Variants in THSD4 observed in about 807,000 individuals in gnomAD.
The protein encoded by THSD4 is thrombospondin type-1 domain-containing protein 4.
A neutral mutation model predicts 119.0 loss-of-function variants in THSD4; 69 were observed. That is an observed-to-expected ratio of 0.58 (90% CI 0.48 to 0.71). The LOEUF (loss-of-function observed/expected upper bound fraction) is 0.71. Among genes scored for constraint, THSD4 ranks in the 30% least tolerant of loss-of-function variants. The probability of loss-of-function intolerance (pLI) is 0.00; values close to 1 mark genes in which losing one functional copy is unlikely to be tolerated. For missense variants in THSD4, 1,393 were observed against 1,391.1 expected (o/e 1.00, Z -0.02); for synonymous variants, 524 against 540.4 (o/e 0.97, Z 0.42).
chr15:71,332,491 G>A (rs2045433714), intron 6 of THSD4, among the ~76,000 whole-genome samples: 1 of 152,204 alleles, frequency 6.6e-6, no homozygotes, highest in Non-Finnish European at 1.5e-5. Context: ...CCTAGAAGGA[G>A]AAAAGGACTC....
chr15:71,659,064 C>A (rs2051245722), intron 7 of THSD4, among the ~76,000 whole-genome samples: 1 of 152,216 alleles, frequency 6.6e-6, no homozygotes, highest in Non-Finnish European at 1.5e-5. Flanking sequence ...GACTGGTTTG[C>A]TGCTCACTTT....
chr15:71,563,830 A>G (rs2049173373), intron 7 of THSD4, among the ~76,000 whole-genome samples: 1 of 151,746 alleles, frequency 6.6e-6, no homozygotes, highest in African/African-American at 2.4e-5. Flanking sequence ...TGGTGAGTGA[A>G]CTCTTTATCC....
intron 3 of THSD4, among the ~76,000 whole-genome samples, chr15:71,161,176 T>A (rs973923419): frequency 1.3e-5 from 2 of 152,112 alleles, no homozygotes; most frequent in Admixed American, 6.5e-5. Flanking sequence ...ACGTGTGATC[T>A]AACCTGGGGA....
chr15:71,559,564 CCTT>C (rs894096462), intron 7 of THSD4, among the ~76,000 whole-genome samples: 2 of 122,334 alleles, frequency 1.6e-5, no homozygotes, highest in African/African-American at 5.0e-5. Context: ...TTCTTTTCCT[CCTT>C]TTTTTTTTTG....
chr15:71,736,105 G>C (rs199723197), intron 10 of THSD4, among the ~76,000 whole-genome samples: 1 of 116,794 alleles, frequency 8.6e-6, no homozygotes. Context: ...CTTGCTCTCT[G>C]TCTCTCTGTT....
chr15:71,359,640 C>T (rs2045866344), intron 6 of THSD4, among the ~76,000 whole-genome samples: 2 of 152,144 alleles, frequency 1.3e-5, no homozygotes, highest in African/African-American at 4.8e-5. Context: ...AAACCCCAAT[C>T]TCTACCAAAA....
At chr15:71,347,555 C>T (rs920606980) in intron 6 of THSD4, among the ~76,000 whole-genome samples, 2 of 152,114 alleles carry the variant, frequency 1.3e-5, no homozygotes, top group African/African-American at 2.4e-5. Context: ...CTTTGGTGTC[C>T]CATCGATTAC....
chr15:71,517,726 A>G (rs1183665609), intron 7 of THSD4, among the ~76,000 whole-genome samples: 1 of 151,896 alleles, frequency 6.6e-6, no homozygotes. Context: ...GCTTTACTCT[A>G]CTCCTCATCC....
intron 6 of THSD4, among the ~76,000 whole-genome samples, chr15:71,389,121 T>C (rs1451881167): frequency 6.6e-6 from 1 of 152,194 alleles, no homozygotes; most frequent in Non-Finnish European, 1.5e-5. Context: ...CTTTATAAAT[T>C]ACCCAGTCTT....
intron 8 of THSD4, among the ~76,000 whole-genome samples, chr15:71,661,635 G>T (rs1313598087): frequency 1.3e-5 from 2 of 151,868 alleles, no homozygotes; most frequent in Non-Finnish European, 2.9e-5. Flanking sequence ...GCCTCAAGTG[G>T]TCTGCCCACC....
At chr15:71,603,089 C>G (rs1337137731) in intron 7 of THSD4, among the ~76,000 whole-genome samples, 2 of 152,130 alleles carry the variant, frequency 1.3e-5, no homozygotes, top group Non-Finnish European at 2.9e-5. Context: ...AACTTTTGGT[C>G]AAAGAATAAA....
chr15:71,355,259 G>T (rs117894034), intron 6 of THSD4, among the ~76,000 whole-genome samples: 1 of 152,170 alleles, frequency 6.6e-6, no homozygotes, highest in African/African-American at 2.4e-5. Context: ...ATTGCATAAG[G>T]TGAGTGTTAA....
At chr15:71,537,364 A>C (rs568924523) in intron 7 of THSD4, among the ~76,000 whole-genome samples, 1 of 152,232 alleles carries the variant, frequency 6.6e-6, no homozygotes, top group African/African-American at 2.4e-5. Context: ...TAAGAGAAAG[A>C]AAAAATCTCT....
At chr15:71,473,056 C>CTTT (rs35085059) in intron 7 of THSD4, among the ~76,000 whole-genome samples, 15 of 129,312 alleles carry the variant, frequency 1.2e-4, no homozygotes, top group African/African-American at 2.3e-4. Flanking sequence ...CTGTATTTGG[C>CTTT]TTTTTTTTTT....
chr15:71,646,798 G>T (rs575158743), intron 7 of THSD4, among the ~76,000 whole-genome samples: 2 of 152,284 alleles, frequency 1.3e-5, no homozygotes, highest in African/African-American at 2.4e-5. Context: ...TCACTCAGTT[G>T]TCCACACCTG....
At chr15:71,148,390 G>A (rs749512169) in intron 2 of THSD4, among the ~76,000 whole-genome samples, 6 of 152,324 alleles carry the variant, frequency 3.9e-5, no homozygotes, top group South Asian at 2.1e-4. Context: ...GCTGTGCGCC[G>A]AAGACCTCCA....
intron 6 of THSD4, among the ~76,000 whole-genome samples, chr15:71,284,295 AG>A (rs2140317372): frequency 6.6e-6 from 1 of 152,318 alleles, no homozygotes; most frequent in South Asian, 2.1e-4. Flanking sequence ...TGATAAAAAG[AG>A]TGCTAATGCT....
chr15:71,217,288 C>T (rs747784231), intron 4 of THSD4, among the ~76,000 whole-genome samples: 11 of 152,044 alleles, frequency 7.2e-5, no homozygotes, highest in Non-Finnish European at 1.3e-4. Context: ...AAGCAGGATA[C>T]AACAAAAAGA....
intron 8 of THSD4, among the ~76,000 whole-genome samples, chr15:71,719,203 C>T (rs2052667373): frequency 6.6e-6 from 1 of 152,136 alleles, no homozygotes; most frequent in South Asian, 2.1e-4. Context: ...TTGGCACTTC[C>T]CTTCGTTCAA....
Sources: allele counts gnomAD v4.1 joint callset (sites outside exome capture counted in the v4.1 genomes callset), GRCh38; gene constraint gnomAD v4.1.1; transcripts MANE v1.5; gene names NCBI Gene and HGNC (gene_info 2026-07-23, HGNC 2026-07-21).